CORO2B: variants seen among roughly 807,000 people sequenced by gnomAD.
CORO2B encodes coronin-2B.
In CORO2B, 26 loss-of-function variants were observed where a neutral mutation model predicts 58.8. The ratio of observed to expected loss-of-function variants is 0.44; its 90% CI spans 0.32 to 0.61. The LOEUF is 0.61. CORO2B is among the 20% of genes least tolerant of loss of function. The probability of loss-of-function intolerance (pLI) is 0.04; values close to 1 mark genes in which losing one functional copy is unlikely to be tolerated. For synonymous variants in CORO2B, 242 were observed against 253.8 expected, an observed-to-expected ratio of 0.95 and a Z score of 0.44; for missense variants, 460 against 645.1, an observed-to-expected ratio of 0.71 and a Z score of 3.11.
intron 1 of CORO2B, among the ~76,000 whole-genome samples, chr15:68,627,779 A>G (rs949421972): frequency 6.6e-6 from 1 of 151,916 alleles, no homozygotes; most frequent in Non-Finnish European, 1.5e-5. Flanking sequence ...CTGTCTGCTT[A>G]CCCCTGCCAT....
intron 2 of CORO2B, among the ~76,000 whole-genome samples, chr15:68,678,292 G>A (rs1163019149): frequency 6.6e-6 from 1 of 152,066 alleles, no homozygotes; most frequent in Non-Finnish European, 1.5e-5. Flanking sequence ...GGAGGAGGAG[G>A]AATTCCCCAA....
At chr15:68,523,229 C>T in the CORO2B span, among the ~76,000 whole-genome samples, 1 of 151,978 alleles carries the variant, frequency 6.6e-6, no homozygotes, top group Non-Finnish European at 1.5e-5. Context: ...CTCACTCTGT[C>T]ACTCAGGCTG....
At chr15:68,722,530 AGCT>A (rs1893185636) in intron 11 of CORO2B, among the ~76,000 whole-genome samples, 3 of 152,220 alleles carry the variant, frequency 2.0e-5, no homozygotes, top group Non-Finnish European at 4.4e-5. Flanking sequence ...CTGAATTGTA[AGCT>A]TAAAATGAGT....
At chr15:68,556,483 G>A in the CORO2B span, among the ~76,000 whole-genome samples, 2,155 of 152,218 alleles carry the variant, frequency 0.014, 63 homozygotes, top group African/African-American at 0.048. Context: ...TGCCACACTC[G>A]CAAGGTCCTT....
the CORO2B span, among the ~76,000 whole-genome samples, chr15:68,534,315 CTTGCAT>C: frequency 9.8e-4 from 150 of 152,376 alleles, no homozygotes; most frequent in African/African-American, 3.5e-3. Flanking sequence ...CATGCACACA[CTTGCAT>C]ACACACATGC....
chr15:68,720,431 C>T (rs1441245824), intron 11 of CORO2B, among the ~76,000 whole-genome samples: 1 of 152,230 alleles, frequency 6.6e-6, no homozygotes, highest in Non-Finnish European at 1.5e-5. Context: ...CCTAAACCCA[C>T]AAATGCTTAT....
At chr15:68,720,605 C>T (rs1893138043) in intron 11 of CORO2B, among the ~76,000 whole-genome samples, 1 of 152,166 alleles carries the variant, frequency 6.6e-6, no homozygotes, top group Non-Finnish European at 1.5e-5. Flanking sequence ...GTGAGGGCCT[C>T]AGTTTCTCCT....
chr15:68,711,757 G>C (rs1322680975), intron 5 of CORO2B, 51 bp downstream of exon 5: 1 of 1,602,896 alleles, frequency 6.2e-7, no homozygotes, highest in East Asian at 2.2e-5. Flanking sequence ...GAGGGCTGGG[G>C]CTCAGCTTTC....
chr15:68,656,731 A>G (rs1029775005), intron 2 of CORO2B, among the ~76,000 whole-genome samples: 1 of 152,104 alleles, frequency 6.6e-6, no homozygotes, highest in East Asian at 1.9e-4. Flanking sequence ...CTGGCTTTCA[A>G]CCCTGACTCT....
At chr15:68,519,715 T>A in the CORO2B span, among the ~76,000 whole-genome samples, 1 of 152,214 alleles carries the variant, frequency 6.6e-6, no homozygotes. Context: ...CTTTGCTATT[T>A]GTATAGCTTG....
chr15:68,629,654 T>C (rs1275401757), intron 1 of CORO2B, among the ~76,000 whole-genome samples: 1 of 152,116 alleles, frequency 6.6e-6, no homozygotes, highest in Non-Finnish European at 1.5e-5. Flanking sequence ...AATGTCCTTA[T>C]GAAATGGTCA....
the CORO2B span, among the ~76,000 whole-genome samples, chr15:68,571,166 G>C: frequency 6.6e-6 from 1 of 152,110 alleles, no homozygotes; most frequent in Non-Finnish European, 1.5e-5. Flanking sequence ...TTCTTTGTTA[G>C]TTTCTGAGGA....
At chr15:68,638,393 A>G (rs1901103642) in intron 1 of CORO2B, among the ~76,000 whole-genome samples, 1 of 152,256 alleles carries the variant, frequency 6.6e-6, no homozygotes. Context: ...CATTGTATCC[A>G]GTGAGCTGGA....
intron 2 of CORO2B, among the ~76,000 whole-genome samples, chr15:68,678,943 C>T (rs965409503): frequency 1.3e-5 from 2 of 152,226 alleles, no homozygotes; most frequent in Non-Finnish European, 2.9e-5. Context: ...GGGTGTGTTC[C>T]CCTCCCTGCC....
At chr15:68,630,981 T>C (rs564959674) in intron 1 of CORO2B, among the ~76,000 whole-genome samples, 2 of 152,300 alleles carry the variant, frequency 1.3e-5, no homozygotes, top group African/African-American at 4.8e-5. Context: ...CCTAGTGGAC[T>C]TCCTCCTAGG....
chr15:68,652,738 C>A (rs1901681822), intron 2 of CORO2B, among the ~76,000 whole-genome samples: 1 of 152,204 alleles, frequency 6.6e-6, no homozygotes, highest in Non-Finnish European at 1.5e-5. Context: ...AAAGTATACT[C>A]ATTCTCCTCG....
In CORO2B at chr15:68,715,323, C is replaced by T. The variant is rs368357685; in HGVS notation, c.967+12C>T. On this transcript the variant is annotated intron_variant, in intron 8 of 11. Coordinates refer to ENST00000261861, the MANE Select transcript of CORO2B (RefSeq NM_006091.5). Reference sequence around the variant, plus strand: ...GCAGAAAGGCCTAGGTAAGTGGCCCCGAGGCTGCCACAGCTGGTGTGCTCA... The same window carrying T: ...GCAGAAAGGCCTAGGTAAGTGGCCCTGAGGCTGCCACAGCTGGTGTGCTCA... The T allele has an allele frequency of 2.6e-5, 42 of 1,593,606 alleles. 1 individual carries two copies. Among genetic ancestry groups the T allele is most frequent in the South Asian group, 1.1e-4 (10 of 90,542 alleles).
intron 1 of CORO2B, among the ~76,000 whole-genome samples, chr15:68,639,483 G>T (rs1230026403): frequency 6.6e-6 from 1 of 152,346 alleles, no homozygotes; most frequent in Non-Finnish European, 1.5e-5. Context: ...CAACCCAACT[G>T]GGGTAGGGGA....
intron 2 of CORO2B, among the ~76,000 whole-genome samples, chr15:68,653,949 C>A (rs900004432): frequency 1.4e-4 from 21 of 152,090 alleles, no homozygotes; most frequent in Non-Finnish European, 2.4e-4. Context: ...TTTCCAAATC[C>A]ATTTTTCAGA....
Sources: gnomAD v4.1 joint callset for allele counts (sites outside exome capture counted in the v4.1 genomes callset) on GRCh38, gnomAD v4.1.1 for gene constraint, MANE v1.5 for transcripts, NCBI Gene and HGNC (gene_info 2026-07-23, HGNC 2026-07-21) for gene names.